MCC: variants seen among roughly 807,000 people sequenced by gnomAD.
The protein encoded by MCC is colorectal mutant cancer protein.
In MCC, 90 loss-of-function variants were observed where a neutral mutation model predicts 116.2. The ratio of observed to expected loss-of-function variants is 0.77; its 90% CI spans 0.65 to 0.92. MCC has a LOEUF of 0.92. MCC is among the 40% of genes least tolerant of loss of function. The pLI is 0.00. For synonymous variants in MCC, 578 were observed against 510.5 expected (o/e 1.13, Z -1.78); for missense variants, 1,516 against 1,312.2 (o/e 1.16, Z -2.40).
At chr5:113,205,156 T>C (rs1460133220) in intron 3 of MCC, among the ~76,000 whole-genome samples, 1 of 152,224 alleles carries the variant, frequency 6.6e-6, no homozygotes, top group South Asian at 2.1e-4. Flanking sequence ...CTCTATGAGT[T>C]CCCTTGATGT....
intron 3 of MCC, among the ~76,000 whole-genome samples, chr5:113,332,960 T>A (rs947365260): frequency 6.6e-6 from 1 of 151,608 alleles, no homozygotes; most frequent in African/African-American, 2.4e-5. Context: ...AATTTTCAAA[T>A]CCCTTGACCC....
intron 3 of MCC, among the ~76,000 whole-genome samples, chr5:113,333,812 T>C (rs56013727): frequency 0.099 from 5,279 of 53,568 alleles, 1,240 homozygotes; most frequent in African/African-American, 0.35. Context: ...TATATATGTA[T>C]ATATGTACAT....
intron 17 of MCC, among the ~76,000 whole-genome samples, chr5:113,040,015 G>C (rs953126434): frequency 6.6e-6 from 1 of 151,650 alleles, no homozygotes; most frequent in African/African-American, 2.4e-5. Context: ...ATGGACAAGA[G>C]AGAAAACAAA....
At chr5:113,349,001 C>T (rs1206829696) in intron 2 of MCC, among the ~76,000 whole-genome samples, 1 of 151,934 alleles carries the variant, frequency 6.6e-6, no homozygotes, top group Non-Finnish European at 1.5e-5. Flanking sequence ...CAAGATTGAA[C>T]CATGAAGCAA....
chr5:113,211,215 T>C (rs1044158325), intron 3 of MCC, among the ~76,000 whole-genome samples: 2 of 152,164 alleles, frequency 1.3e-5, no homozygotes, highest in South Asian at 4.1e-4. Context: ...GCTTGTCCCT[T>C]CTACTATGTG....
At chr5:113,278,584 G>C (rs1765917757) in intron 3 of MCC, among the ~76,000 whole-genome samples, 1 of 152,188 alleles carries the variant, frequency 6.6e-6, no homozygotes, top group Non-Finnish European at 1.5e-5. Context: ...AGGTAGACAA[G>C]CAAAGTTTAA....
intron 3 of MCC, among the ~76,000 whole-genome samples, chr5:113,200,563 C>T (rs1221693417): frequency 6.6e-6 from 1 of 152,212 alleles, no homozygotes; most frequent in Non-Finnish European, 1.5e-5. Flanking sequence ...TTGAACTTCC[C>T]TGTTCCACTT....
At chr5:113,213,396 T>C (rs2150324746) in intron 3 of MCC, among the ~76,000 whole-genome samples, 1 of 152,332 alleles carries the variant, frequency 6.6e-6, no homozygotes, top group East Asian at 1.9e-4. Context: ...ATCTGTTTTT[T>C]AGATGCCATG....
chr5:113,421,906 G>C (rs1285036942), intron 1 of MCC, among the ~76,000 whole-genome samples: 5 of 152,034 alleles, frequency 3.3e-5, no homozygotes, highest in Non-Finnish European at 7.4e-5. Flanking sequence ...CAGTTCCCTG[G>C]GGTCCTTCCA....
intron 6 of MCC, among the ~76,000 whole-genome samples, chr5:113,116,475 T>C (rs1339902890): frequency 6.6e-6 from 1 of 152,180 alleles, no homozygotes; most frequent in Non-Finnish European, 1.5e-5. Context: ...CAAATCAACC[T>C]TAAAAGACAT....
rs367935906 is a variant in MCC, at chr5:113,046,656, TCTAA to T, written c.2655+2433_2655+2436del. On this transcript the variant is annotated intron_variant, in intron 16 of 18. Transcript: ENST00000408903. ...CACACACAAACACTAGCGCTCTGTCTCTAACTGACTGCTAACAAACTCAAAAGGC... is the reference window on the plus strand; with the variant it reads ...CACACACAAACACTAGCGCTCTGTCTCTGACTGCTAACAAACTCAAAAGGC... Among the ~76,000 whole-genome samples the T allele has an allele frequency of 8.7e-3, 1,009 of 115,508 alleles. 10 individuals are homozygous for T. Among genetic ancestry groups the T allele is most frequent in the African/African-American group, 0.031 (924 of 30,240 alleles). The allele number at this position is 115,508 out of a possible 152,430, so 75.8% of individuals were successfully genotyped here.
At chr5:113,199,309 A>G (rs1181764917) in intron 3 of MCC, among the ~76,000 whole-genome samples, 1 of 152,228 alleles carries the variant, frequency 6.6e-6, no homozygotes, top group Non-Finnish European at 1.5e-5. Flanking sequence ...TAAAACCACA[A>G]GACACACAGA....
chr5:113,134,946 T>TC (rs1241808985), intron 5 of MCC, among the ~76,000 whole-genome samples: 14 of 140,154 alleles, frequency 1.0e-4, no homozygotes, highest in Admixed American at 6.9e-4. Context: ...TTTTACTTCT[T>TC]TTTTTTTTTT....
chr5:113,108,170 C>A (rs996915202), intron 6 of MCC, among the ~76,000 whole-genome samples: 1 of 151,724 alleles, frequency 6.6e-6, no homozygotes, highest in Non-Finnish European at 1.5e-5. Flanking sequence ...TATTGTGAAA[C>A]CCTGTCTCTA....
chr5:113,085,383 T>C, intron 8 of MCC, 73 bp from the exon 9 acceptor site: 1 of 1,451,784 alleles, frequency 6.9e-7, no homozygotes, highest in South Asian at 1.3e-5. Flanking sequence ...GATGGGTAGG[T>C]GGTGGGGCTT....
At chr5:113,228,206 C>T (rs1185908661) in intron 3 of MCC, among the ~76,000 whole-genome samples, 2 of 152,240 alleles carry the variant, frequency 1.3e-5, no homozygotes, top group East Asian at 1.9e-4. Context: ...CACCAAAATT[C>T]GTGTTGAGGC....
intron 3 of MCC, among the ~76,000 whole-genome samples, chr5:113,281,744 A>G (rs1766054110): frequency 6.6e-6 from 1 of 152,218 alleles, no homozygotes; most frequent in African/African-American, 2.4e-5. Flanking sequence ...AAAGAAAAAA[A>G]CAACAGCAGG....
chr5:113,051,161 C>A (rs1752460973), intron 15 of MCC, among the ~76,000 whole-genome samples: 1 of 151,842 alleles, frequency 6.6e-6, no homozygotes, highest in Non-Finnish European at 1.5e-5. Context: ...AACATAGAAC[C>A]ACTCTGTAGG....
At chr5:113,173,653 T>C (rs1334644430) in intron 3 of MCC, among the ~76,000 whole-genome samples, 1 of 152,190 alleles carries the variant, frequency 6.6e-6, no homozygotes, top group Non-Finnish European at 1.5e-5. Context: ...AATTGTATTT[T>C]TCTTTGCAGA....
Sources: gnomAD v4.1 joint callset for allele counts (sites outside exome capture counted in the v4.1 genomes callset) on GRCh38, gnomAD v4.1.1 for gene constraint, MANE v1.5 for transcripts, NCBI Gene and HGNC (gene_info 2026-07-23, HGNC 2026-07-21) for gene names.